RB1CC1: variants seen among roughly 807,000 people sequenced by gnomAD.
RB1CC1 encodes RB1 inducible coiled-coil 1, also known as RB1-inducible coiled-coil protein 1.
RB1CC1 carries 46 observed loss-of-function variants against 177.5 expected under a neutral mutation model. That is an observed-to-expected ratio of 0.26 (90% CI 0.20 to 0.33). The LOEUF is 0.33. Ranked by LOEUF, RB1CC1 falls within the 10% of genes least tolerant of loss-of-function variation. The probability of loss-of-function intolerance (pLI) is 1.00; values close to 1 mark genes in which losing one functional copy is unlikely to be tolerated. For missense variants in RB1CC1, 1,703 were observed against 1,816.3 expected (o/e 0.94, Z 1.13); for synonymous variants, 666 against 613.6 (o/e 1.09, Z -1.26).
intron 20 of RB1CC1, among the ~76,000 whole-genome samples, chr8:52,631,023 T>C (rs1240474164): frequency 2.0e-5 from 3 of 152,150 alleles, no homozygotes; most frequent in Admixed American, 2.0e-4. Flanking sequence ...GCAGTTTCTG[T>C]TTCTGTGTCC....
In RB1CC1 at chr8:52,642,496, C is replaced by A; in HGVS notation, c.4192G>T (p.Val1398Phe). The change falls in exon 18 of 24, where the codon GTT becomes TTT. Residue 1398 changes from valine to phenylalanine, a missense_variant. Physicochemically the swap from Val to Phe is conservative, Grantham distance 50 (BLOSUM62 -1). Around this residue, in one of 6 missense-constraint regions of RB1CC1, gnomAD observed 1,169 missense variants for 1,184.7 expected, o/e 0.99. Coordinates refer to ENST00000025008, the MANE Select transcript of RB1CC1 (RefSeq NM_014781.5). ...GCTGTAGCTACATATGGTGAAGGAA[C>A]AAAACTGCTACTACGCAACTTACTG... ...EVSKLRSSSF[V>F]PSPYVATAPE... 1 of 1,614,042 alleles carries A rather than the reference C, an allele frequency of 6.2e-7. No homozygotes were observed. The highest frequency in any genetic ancestry group is 8.5e-7 in the Non-Finnish European group (1 of 1,179,972).
chr8:52,701,268 A>C (rs1298274525), intron 1 of RB1CC1, among the ~76,000 whole-genome samples: 1 of 151,810 alleles, frequency 6.6e-6, no homozygotes, highest in Non-Finnish European at 1.5e-5. Flanking sequence ...GATTACACGC[A>C]CCCACCACCA....
chr8:52,655,221 T>A (rs1409333299), intron 15 of RB1CC1, among the ~76,000 whole-genome samples: 1 of 152,076 alleles, frequency 6.6e-6, no homozygotes, highest in Non-Finnish European at 1.5e-5. Flanking sequence ...ATATGAGTAT[T>A]ATAGAGCAGA....
In RB1CC1 at chr8:52,642,056, C is replaced by T. The variant is rs370725999; in HGVS notation, c.4337+295G>A. 5.3e-5 allele frequency among the ~76,000 whole-genome samples: 8 copies of T among 152,096 alleles called. No homozygotes were observed. The East Asian group carries it at 1.4e-3, about 26-fold the overall frequency. Reference sequence around the variant, plus strand: ...ATAACCCCTTTATAGGTAATGGACCCCAAAATGTCAACATTCCCTGTAAAT... The same window carrying T: ...ATAACCCCTTTATAGGTAATGGACCTCAAAATGTCAACATTCCCTGTAAAT... On this transcript the variant is annotated intron_variant, in intron 18 of 23. Coordinates refer to ENST00000025008, the MANE Select transcript of RB1CC1 (RefSeq NM_014781.5).
intron 13 of RB1CC1, 110 bp from the exon 14 acceptor site, chr8:52,658,234 T>C (rs1416581879): frequency 8.5e-7 from 1 of 1,170,248 alleles, no homozygotes; most frequent in Non-Finnish European, 1.2e-6. Context: ...ATCATTCCTT[T>C]TTAAATTAAT....
chr8:52,699,219 G>A (rs1276297993), intron 1 of RB1CC1, among the ~76,000 whole-genome samples: 2 of 152,162 alleles, frequency 1.3e-5, no homozygotes, highest in African/African-American at 4.8e-5. Flanking sequence ...AACAGACCTG[G>A]TTAAAATTCT....
intron 8 of RB1CC1, among the ~76,000 whole-genome samples, chr8:52,665,669 G>T (rs980914960): frequency 1.3e-5 from 2 of 152,134 alleles, no homozygotes; most frequent in African/African-American, 4.8e-5. Flanking sequence ...CTCTAGTAAT[G>T]GTAGCCTGTA....
intron 1 of RB1CC1, among the ~76,000 whole-genome samples, chr8:52,703,156 A>C (rs1023586171): frequency 6.6e-6 from 1 of 152,130 alleles, no homozygotes; most frequent in African/African-American, 2.4e-5. Flanking sequence ...AATATATTTT[A>C]ACATCATATA....
At chr8:52,673,707 CTA>C in intron 7 of RB1CC1, 136 bp downstream of exon 7, 1 of 748,096 alleles carries the variant, frequency 1.3e-6, no homozygotes, top group Non-Finnish European at 2.0e-6. Flanking sequence ...TTGATTCAAC[CTA>C]TGTTAAAAGT....
At chr8:52,688,588 C>T (rs760192215) in intron 1 of RB1CC1, among the ~76,000 whole-genome samples, 5 of 152,190 alleles carry the variant, frequency 3.3e-5, no homozygotes, top group Non-Finnish European at 7.3e-5. Context: ...ACATGCATGG[C>T]TGAACATAGA....
At position 52,673,836 on chromosome 8, in the gene RB1CC1, G is replaced by A. The variant is rs773032724; in HGVS notation, c.1002+9C>T. ...ATGACAAAACAAACATCAAATTAACGTTACTTACCCTGCTCATAGAATCAA... is the reference window on the plus strand; with the variant it reads ...ATGACAAAACAAACATCAAATTAACATTACTTACCCTGCTCATAGAATCAA... On this transcript the variant is annotated intron_variant, in intron 7 of 23. Transcript: ENST00000025008. 2.8e-5 allele frequency: 44 copies of A among 1,577,966 alleles called. No individual in the cohort carries two copies. Among genetic ancestry groups the A allele is most frequent in the Non-Finnish European group, 3.4e-5 (40 of 1,162,072 alleles).
intron 8 of RB1CC1, among the ~76,000 whole-genome samples, chr8:52,666,252 G>A (rs1035074243): frequency 3.3e-5 from 5 of 151,822 alleles, no homozygotes; most frequent in East Asian, 3.9e-4. Context: ...ACGGCTGGGC[G>A]CCGTGGCTCA....
At chr8:52,687,022 T>C (rs1854330590) in intron 1 of RB1CC1, 55 bp from the exon 2 acceptor site, 8 of 450,332 alleles carry the variant, frequency 1.8e-5, no homozygotes, top group South Asian at 1.1e-4. Context: ...CGAAACAACA[T>C]ATGGCTATTG....
intron 18 of RB1CC1, among the ~76,000 whole-genome samples, chr8:52,639,189 T>C (rs1029779641): frequency 3.3e-5 from 5 of 152,176 alleles, no homozygotes; most frequent in African/African-American, 1.2e-4. Context: ...AATACTCCAT[T>C]TCCATCTATC....
intron 15 of RB1CC1, among the ~76,000 whole-genome samples, chr8:52,653,383 A>G (rs1486986382): frequency 1.3e-5 from 2 of 152,210 alleles, no homozygotes; most frequent in Non-Finnish European, 2.9e-5. Flanking sequence ...CAACAGAGCC[A>G]GAGCAGTAAT....
At chr8:52,704,455 TAA>T (rs370418132) in intron 1 of RB1CC1, among the ~76,000 whole-genome samples, 14 of 68,442 alleles carry the variant, frequency 2.0e-4, no homozygotes, top group South Asian at 7.2e-4. Context: ...AAGGTGACAT[TAA>T]AAAAAAAAAA....
chr8:52,646,597 C>T (rs1252941290), intron 15 of RB1CC1, among the ~76,000 whole-genome samples: 1 of 152,104 alleles, frequency 6.6e-6, no homozygotes, highest in Non-Finnish European at 1.5e-5. Context: ...TTTCTGCTAG[C>T]AAGTAGGTAA....
chr8:52,648,019 T>C (rs906453106), intron 15 of RB1CC1, among the ~76,000 whole-genome samples: 1 of 152,110 alleles, frequency 6.6e-6, no homozygotes, highest in African/African-American at 2.4e-5. Context: ...GTCCTGCATC[T>C]TTGGATTGCT....
chr8:52,700,330 C>G (rs576969965), intron 1 of RB1CC1, among the ~76,000 whole-genome samples: 23 of 151,346 alleles, frequency 1.5e-4, no homozygotes, highest in Admixed American at 1.3e-3. Context: ...TCCAGACCAA[C>G]CTGGGCAACA....
Sources: gnomAD v4.1 joint callset for allele counts (sites outside exome capture counted in the v4.1 genomes callset) on GRCh38, gnomAD v4.1.1 for gene constraint, gnomAD v4.1.1 regional missense constraint, MANE v1.5 for transcripts, NCBI Gene and HGNC (gene_info 2026-07-23, HGNC 2026-07-21) for gene names.